LY75: variants seen among roughly 807,000 people sequenced by gnomAD.
The protein encoded by LY75 is lymphocyte antigen 75.
LY75 carries 185 observed loss-of-function variants against 231.7 expected under a neutral mutation model. That is an observed-to-expected ratio of 0.80 (90% CI 0.71 to 0.90). The LOEUF (loss-of-function observed/expected upper bound fraction) is 0.90, where lower values mean the gene tolerates loss of function less well. Among genes scored for constraint, LY75 ranks in the 40% least tolerant of loss-of-function variants. The pLI is 0.00. For missense variants in LY75, 1,947 were observed against 2,050.2 expected, an observed-to-expected ratio of 0.95 and a Z score of 0.97; for synonymous variants, 668 against 689.0, an observed-to-expected ratio of 0.97 and a Z score of 0.48.
Position 159,881,162 on chromosome 2 carries a change from A to T in LY75, c.1325T>A (p.Val442Asp). The part of the protein sequence containing the change: ...TLFQWSDGTE[V>D]TLTYWDENEP... The stretch of plus-strand genomic sequence containing the variant: ...ATTCTCATCCCAATATGTTAGAGTA[A>T]CTTCAGTACCATCTGACCACTGAAA... The change falls in exon 8 of 35, where the codon GTT (valine) becomes GAT (aspartate). Residue 442 changes from valine to aspartate, a missense_variant. By Grantham distance (152) the Val-to-Asp change is radical. Transcript: ENST00000263636. 2 of 1,613,916 alleles carry T rather than the reference A, an allele frequency of 1.2e-6. No homozygotes were observed. Among genetic ancestry groups the T allele is most frequent in the Non-Finnish European group, 8.5e-7 (1 of 1,179,896 alleles).
intron 9 of LY75, 28 bp from the exon 10 acceptor site, chr2:159,878,749 C>CATTTTTTCCATG: frequency 6.2e-7 from 1 of 1,611,702 alleles, no homozygotes; most frequent in South Asian, 1.1e-5. Context: ...TATTGTCAAA[C>CATTTTTTCCATG]TCTTTTCCAG....
At chr2:159,828,011 C>T (rs759086184) in intron 28 of LY75, among the ~76,000 whole-genome samples, 11 of 151,674 alleles carry the variant, frequency 7.3e-5, no homozygotes, top group East Asian at 1.9e-4. Flanking sequence ...ACGTAGGTGA[C>T]GGGTTGATGG....
Position 159,807,110 on chromosome 2 carries a change from T to G in LY75, c.4853A>C (p.Glu1618Ala). The G allele has an allele frequency of 1.2e-6, 2 of 1,613,776 alleles. No homozygotes were observed. The highest frequency in any genetic ancestry group is 1.7e-6 in the Non-Finnish European group (2 of 1,179,842). Reference protein sequence around the residue: ...DQSWSWLDGSEVTFVKWENKS... With the variant: ...DQSWSWLDGSAVTFVKWENKS... ...ATTTTCCCATTTGACAAATGTCACT[T>G]CTGATCCATCTAACCAACTCCAAGA... The change falls in exon 34 of 35, where the codon GAA (glutamate) becomes GCA (alanine). Residue 1618 changes from glutamate (E) to alanine (A), a missense_variant. Transcript: ENST00000263636.
chr2:159,904,394 C>A (rs1408002778), intron 1 of LY75, among the ~76,000 whole-genome samples, 195 bp downstream of exon 1: 2 of 152,236 alleles, frequency 1.3e-5, no homozygotes, highest in African/African-American at 4.8e-5. Context: ...TCCTCCGGGC[C>A]CCCGAGGGCA....
intron 1 of LY75, among the ~76,000 whole-genome samples, chr2:159,902,120 T>C (rs139485766): frequency 4.7e-4 from 71 of 152,380 alleles, no homozygotes; most frequent in African/African-American, 1.6e-3. Flanking sequence ...GATTTTATTG[T>C]ATAAAACTTA....
chr2:159,810,557 A>C lies in LY75; in HGVS notation c.4668T>G (p.Phe1556Leu), dbSNP rs887781678. The C allele has an allele frequency of 1.2e-6, 2 of 1,613,770 alleles. No individual in the cohort carries two copies. The highest frequency in any genetic ancestry group is 2.7e-5 in the African/African-American group (2 of 75,022). The change falls in exon 32 of 35, where the codon TTT (phenylalanine) becomes TTG (leucine). Residue 1556 changes from phenylalanine (F) to leucine (L), a missense_variant. By Grantham distance (22) the Phe-to-Leu change is conservative (BLOSUM62 0). Coordinates refer to ENST00000263636, the MANE Select transcript of LY75 (RefSeq NM_002349.4). ...CYKSDQALHSFSEAKKLCSKH... is the reference protein window; with the variant it reads ...CYKSDQALHSLSEAKKLCSKH... ...TTGAACACAATTTTTTGGCCTCTGAAAAACTGTGCAATGCCTGATCAGACT... is the reference window on the plus strand; with the variant it reads ...TTGAACACAATTTTTTGGCCTCTGACAAACTGTGCAATGCCTGATCAGACT...
chr2:159,811,447 G>A (rs1031233254), intron 31 of LY75, among the ~76,000 whole-genome samples: 2 of 152,084 alleles, frequency 1.3e-5, no homozygotes, highest in Non-Finnish European at 2.9e-5. Context: ...AATTCCAACC[G>A]AAGAGCATAT....
At chr2:159,890,514 AC>A in intron 3 of LY75, 137 bp from the exon 4 acceptor site, 1 of 1,214,386 alleles carries the variant, frequency 8.2e-7, no homozygotes, top group Non-Finnish European at 1.1e-6. Context: ...ACTCATTTAG[AC>A]CATATTTTGA....
intron 15 of LY75, among the ~76,000 whole-genome samples, chr2:159,859,344 C>T (rs959121958): frequency 7.9e-5 from 12 of 152,278 alleles, no homozygotes; most frequent in African/African-American, 2.9e-4. Flanking sequence ...CTCAGCCTTC[C>T]TGTAACATTT....
At chr2:159,865,569 A>G (rs1351105218) in intron 13 of LY75, among the ~76,000 whole-genome samples, 1 of 152,174 alleles carries the variant, frequency 6.6e-6, no homozygotes. Context: ...AAATAGAGAG[A>G]TAAGATATAT....
chr2:159,872,322 A>G, intron 13 of LY75, 129 bp downstream of exon 13: 7 of 1,240,090 alleles, frequency 5.6e-6, no homozygotes, highest in Non-Finnish European at 7.7e-6. Flanking sequence ...GCTAAGCACC[A>G]AATGACCTTT....
chr2:159,874,910 T>G (rs1303430026), intron 12 of LY75, among the ~76,000 whole-genome samples: 21 of 135,906 alleles, frequency 1.5e-4, no homozygotes, highest in Non-Finnish European at 2.8e-4. Flanking sequence ...AACATATATA[T>G]TTTATAAATA....
chr2:159,863,560 G>A (rs1574568675), intron 14 of LY75, among the ~76,000 whole-genome samples: 1 of 152,118 alleles, frequency 6.6e-6, no homozygotes, highest in African/African-American at 2.4e-5. Flanking sequence ...GTGATGTTGA[G>A]CATTTTTTCC....
At chr2:159,820,903 G>A (rs553958933) in intron 28 of LY75, among the ~76,000 whole-genome samples, 6 of 152,182 alleles carry the variant, frequency 3.9e-5, no homozygotes, top group Admixed American at 2.6e-4. Flanking sequence ...GCAGTGGCAC[G>A]ATCTCAGCTC....
intron 8 of LY75, among the ~76,000 whole-genome samples, chr2:159,880,694 C>A (rs1443261887): frequency 6.6e-6 from 1 of 152,218 alleles, no homozygotes. Flanking sequence ...CAACCTTTGA[C>A]ACCAGGGACC....
rs766802975 is a variant in LY75 at position 159,850,419 on chromosome 2, C to T, written c.2932G>A (p.Asp978Asn). The change falls in exon 22 of 35, where the codon GAT becomes AAT. Residue 978 changes from aspartate to asparagine, a missense_variant. By Grantham distance (23) the Asp-to-Asn change is conservative. Transcript: ENST00000263636. ...PVSLTFSQAS[D>N]TCHSYGGTLP... ...GTGCCACCATAGGAGTGACAGGTAT[C>T]GCTTGCTTGAGAAAATGTGAGAGAC... The T allele has an allele frequency of 9.9e-6, 16 of 1,613,560 alleles. No individual in the cohort carries two copies. The highest frequency in any genetic ancestry group is 4.4e-5 in the South Asian group (4 of 91,074).
intron 23 of LY75, among the ~76,000 whole-genome samples, chr2:159,849,672 G>A (rs888029940): frequency 8.5e-5 from 13 of 152,062 alleles, no homozygotes; most frequent in African/African-American, 2.4e-4. Flanking sequence ...GAGACAATTC[G>A]CTCATTTAAA....
Position 159,805,099 on chromosome 2 carries a change from C to T in LY75, c.5114G>A (p.Arg1705Gln), listed in dbSNP as rs34034503. ...ATCTTCATTCACTCCTTGTGCATAT[C>T]GAACTGATGAGAAACCCGCCAGGTG... ...RLHLAGFSSVRYAQGVNEDEI... is the reference protein window; with the variant it reads ...RLHLAGFSSVQYAQGVNEDEI... Residue 1705 changes from arginine (R) to glutamine (Q), a missense_variant, in exon 35 of 35, where the codon CGA becomes CAA. By Grantham distance (43) the Arg-to-Gln change is conservative (BLOSUM62 1). Transcript: ENST00000263636. The T allele has an allele frequency of 9.9e-6, 16 of 1,614,070 alleles. No homozygotes were observed. The highest frequency in any genetic ancestry group is 3.3e-5 in the South Asian group (3 of 91,082).
Position 159,806,088 on chromosome 2 carries a change from G to C in LY75, c.4991-866C>G, listed in dbSNP as rs531996225. On this transcript the variant is annotated intron_variant, in intron 34 of 34. Transcript: ENST00000263636. Reference sequence around the variant, plus strand: ...TAGCTTCGGTGTCTCCTGCTTCTAGGCTTCTTCCCTGGTTTCCTAATCTAG... The same window carrying C: ...TAGCTTCGGTGTCTCCTGCTTCTAGCCTTCTTCCCTGGTTTCCTAATCTAG... 3.9e-5 allele frequency among the ~76,000 whole-genome samples: 6 copies of C among 152,234 alleles called. No individual in the cohort carries two copies. In the South Asian group the frequency reaches 6.2e-4, roughly 16 times the overall value.
Sources: allele counts gnomAD v4.1 joint callset (sites outside exome capture counted in the v4.1 genomes callset), GRCh38; gene constraint gnomAD v4.1.1; transcripts MANE v1.5; gene names NCBI Gene and HGNC (gene_info 2026-07-23, HGNC 2026-07-21).